DENND2A: variants seen among roughly 807,000 people sequenced by gnomAD.
DENND2A encodes DENN domain containing 2A.
DENND2A carries 53 observed loss-of-function variants against 105.3 expected under a neutral mutation model. That is an observed-to-expected ratio of 0.50 (90% CI 0.40 to 0.63). DENND2A has a LOEUF of 0.63. DENND2A is among the 30% of genes least tolerant of loss of function. DENND2A has a pLI of 0.00. For synonymous variants in DENND2A, 522 were observed against 508.4 expected, an observed-to-expected ratio of 1.03 and a Z score of -0.36; for missense variants, 1,138 against 1,279.6, an observed-to-expected ratio of 0.89 and a Z score of 1.69.
In DENND2A at chr7:140,567,226, G is replaced by C; in HGVS notation, c.1639C>G (p.Pro547Ala). Residue 547 changes from proline to alanine, a missense_variant, in exon 9 of 20, where the codon CCT becomes GCT. Transcript: ENST00000496613. ...TCCCGGGCAAGTGATGGGTACCGAG[G>C]CGCCTGCTTCAGCCGGGACTTCACG... is the stretch of plus-strand genomic sequence containing the variant. The part of the protein sequence containing the change: ...VNVKSRLKQA[P>A]RYPSLARELI... 6.2e-7 allele frequency: 1 copy of C among 1,613,426 alleles called. No homozygotes were observed. Among genetic ancestry groups the C allele is most frequent in the African/African-American group, 1.3e-5 (1 of 74,930 alleles).
chr7:140,625,505 C>A (rs1242179552), intron 1 of DENND2A, among the ~76,000 whole-genome samples: 1 of 152,004 alleles, frequency 6.6e-6, no homozygotes. Context: ...CATGGTGAAA[C>A]CCTGTCTCTA....
intron 18 of DENND2A, among the ~76,000 whole-genome samples, chr7:140,521,166 A>G (rs984899296): frequency 1.3e-5 from 2 of 150,362 alleles, no homozygotes; most frequent in African/African-American, 4.9e-5. Flanking sequence ...GTGAGCCACC[A>G]TGCCCGGCTT....
chr7:140,596,047 A>C (rs1046944055), intron 3 of DENND2A, among the ~76,000 whole-genome samples: 59 of 152,262 alleles, frequency 3.9e-4, no homozygotes, highest in African/African-American at 1.3e-3. Context: ...TAACTCCTCC[A>C]CCGTGTACTA....
In DENND2A at chr7:140,601,641, C is replaced by T. The variant is rs1470784450; in HGVS notation, c.757G>A (p.Gly253Ser). Reference protein sequence around the residue: ...WDRSLENVYRGSEGSPTKPFI... With the variant: ...WDRSLENVYRSSEGSPTKPFI... The stretch of plus-strand genomic sequence containing the variant: ...GGCTTTGTGGGGGAACCCTCCGAGC[C>T]CCTATACACGTTCTCAAGGCTCCGG... Residue 253 changes from glycine (G) to serine (S), a missense_variant, in exon 3 of 20, where the codon GGC (glycine) becomes AGC (serine). Gly to Ser is a moderately conservative substitution (Grantham distance 56). Around this residue, in one of 2 missense-constraint regions of DENND2A, gnomAD observed 511 missense variants for 499.9 expected, o/e 1.02. Coordinates refer to ENST00000496613, the MANE Select transcript of DENND2A (RefSeq NM_015689.5). 1.9e-6 allele frequency: 3 copies of T among 1,612,210 alleles called. No homozygotes were observed. The highest frequency in any genetic ancestry group is 3.3e-4 in the Middle Eastern group (2 of 6,078).
upstream of DENND2A, among the ~76,000 whole-genome samples, chr7:140,641,249 T>C (rs1234857763): frequency 3.3e-5 from 5 of 151,364 alleles, no homozygotes; most frequent in African/African-American, 1.2e-4. Flanking sequence ...GCCGGGGTAA[T>C]GACAGTCATG....
At chr7:140,573,243 T>A (rs1427682347) in intron 6 of DENND2A, among the ~76,000 whole-genome samples, 1 of 152,206 alleles carries the variant, frequency 6.6e-6, no homozygotes, top group Non-Finnish European at 1.5e-5. Context: ...AGAGGAGAAA[T>A]TCTGCCTACC....
Position 140,559,637 on chromosome 7 carries a change from G to A in DENND2A, c.1889+71C>T. The A allele has an allele frequency of 7.1e-6, 8 of 1,126,372 alleles. No homozygotes were observed. The highest frequency in any genetic ancestry group is 1.1e-5 in the Non-Finnish European group (8 of 749,132). 69.8% of individuals were successfully genotyped at this position (1,126,372 alleles called of 1,614,324 possible). The stretch of plus-strand genomic sequence containing the variant: ...ACGGTGGGAATGACTCATGTGGTCT[G>A]CCACCTGTAACCCCGTCTCTAAGTC... On this transcript the variant is annotated intron_variant, in intron 10 of 19. Transcript: ENST00000496613. This position sits in a 1 kb window ranked among gnomAD's most constrained non-coding sequence, Gnocchi z 4.1.
At chr7:140,592,412 C>T (rs1258472507) in intron 3 of DENND2A, among the ~76,000 whole-genome samples, 1 of 151,518 alleles carries the variant, frequency 6.6e-6, no homozygotes, top group African/African-American at 2.4e-5. Flanking sequence ...TGGGTTTCAC[C>T]GTGTTAGCCA....
chr7:140,570,911 G>A (rs1007099624), intron 6 of DENND2A, among the ~76,000 whole-genome samples: 1 of 152,228 alleles, frequency 6.6e-6, no homozygotes, highest in African/African-American at 2.4e-5. Flanking sequence ...AGAAGCTGGT[G>A]AGTGCGAATT....
At position 140,546,807 on chromosome 7, in the gene DENND2A, C is replaced by T. The variant is rs35811666; in HGVS notation, c.2170G>A (p.Gly724Arg). The change falls in exon 13 of 20, where the codon GGA becomes AGA. Residue 724 changes from glycine (G) to arginine (R), a missense_variant. Transcript: ENST00000496613. Reference protein sequence around the residue: ...ILVKNFLPGSGTEVIELCRPL... With the variant: ...ILVKNFLPGSRTEVIELCRPL... ...GGAGTCTGACAACTCACCTCAGTTC[C>T]TGAACCTGGCAGGAAGTTCTTGACA... 1.9e-6 allele frequency: 3 copies of T among 1,614,156 alleles called. No individual in the cohort carries two copies. Among genetic ancestry groups the T allele is most frequent in the Non-Finnish European group, 2.5e-6 (3 of 1,180,000 alleles).
chr7:140,564,574 G>C (rs952352503), intron 9 of DENND2A, among the ~76,000 whole-genome samples: 11 of 152,192 alleles, frequency 7.2e-5, no homozygotes, highest in Non-Finnish European at 1.6e-4. Flanking sequence ...AATGTTAACA[G>C]TGACGGTCTC....
intron 1 of DENND2A, among the ~76,000 whole-genome samples, chr7:140,616,454 CT>C (rs894728182): frequency 1.3e-5 from 2 of 151,866 alleles, no homozygotes; most frequent in Admixed American, 6.6e-5. Flanking sequence ...TAAGAAGTGA[CT>C]GCTAATAGGT....
At chr7:140,617,137 C>T (rs1228342497) in intron 1 of DENND2A, among the ~76,000 whole-genome samples, 1 of 152,196 alleles carries the variant, frequency 6.6e-6, no homozygotes, top group Non-Finnish European at 1.5e-5. Context: ...GGATTACAGG[C>T]GTGAACCACT....
chr7:140,574,543 G>A (rs993741229), intron 5 of DENND2A, among the ~76,000 whole-genome samples: 4 of 152,082 alleles, frequency 2.6e-5, no homozygotes, highest in African/African-American at 9.7e-5. Context: ...AGACAAGTGC[G>A]AGGTCACCTG....
chr7:140,568,880 T>G (rs892844771), intron 7 of DENND2A, 67 bp from the exon 8 acceptor site: 1 of 1,496,330 alleles, frequency 6.7e-7, no homozygotes, highest in East Asian at 2.3e-5. Context: ...ACTCTTTCTA[T>G]GTGGTAGCAC....
rs1797514706 is a variant in DENND2A at position 140,559,241 on chromosome 7, C to T, written c.1889+467G>A. Among the ~76,000 whole-genome samples the T allele has an allele frequency of 6.6e-6, 1 of 152,280 alleles. No homozygotes were observed. Among genetic ancestry groups the T allele is most frequent in the South Asian group, 2.1e-4 (1 of 4,828 alleles). On this transcript the variant is annotated intron_variant, in intron 10 of 19. Coordinates refer to ENST00000496613, the MANE Select transcript of DENND2A (RefSeq NM_015689.5). The surrounding 1 kb of genome is among the most constrained non-coding windows in gnomAD (Gnocchi z 4.1). ...TCCTTAAAGACTGCTGAGCCACCCTCAAGGAACGCGGTACCCCTTAAAGAC... is the reference window on the plus strand; with the variant it reads ...TCCTTAAAGACTGCTGAGCCACCCTTAAGGAACGCGGTACCCCTTAAAGAC...
chr7:140,579,283 C>A (rs1384123783), intron 5 of DENND2A, among the ~76,000 whole-genome samples: 5 of 151,824 alleles, frequency 3.3e-5, no homozygotes, highest in Non-Finnish European at 7.4e-5. Flanking sequence ...CAGAGCGAGA[C>A]TCTGTCTCAA....
chr7:140,624,849 G>GTTTTGTTTTT (rs1800450324), intron 1 of DENND2A, among the ~76,000 whole-genome samples: 3 of 131,266 alleles, frequency 2.3e-5, no homozygotes, highest in African/African-American at 9.5e-5. Flanking sequence ...GTTTTTCTTT[G>GTTTTGTTTTT]TTTTTTTTGT....
chr7:140,639,315 G>T (rs1353556702), intron 1 of DENND2A, among the ~76,000 whole-genome samples: 1 of 151,468 alleles, frequency 6.6e-6, no homozygotes, highest in Non-Finnish European at 1.5e-5. Context: ...TTGCACTACC[G>T]CACTCCAGCC....
Sources: allele counts gnomAD v4.1 joint callset (sites outside exome capture counted in the v4.1 genomes callset), GRCh38; gene constraint gnomAD v4.1.1; regional missense constraint gnomAD v4.1.1; non-coding constraint Gnocchi (gnomAD v3.1); transcripts MANE v1.5; gene names NCBI Gene and HGNC (gene_info 2026-07-23, HGNC 2026-07-21).